Variants in CDH23 observed in about 807,000 individuals in gnomAD.
CDH23 encodes the protein cadherin related 23.
In CDH23, 189 loss-of-function variants were observed where a neutral mutation model predicts 317.1. The ratio of observed to expected loss-of-function variants is 0.60; its 90% CI spans 0.53 to 0.67. CDH23 has a LOEUF of 0.67. Among genes scored for constraint, CDH23 ranks in the 30% least tolerant of loss-of-function variants. CDH23 has a pLI of 0.00. For synonymous variants in CDH23, 1,839 were observed against 1,876.8 expected, an observed-to-expected ratio of 0.98 and a Z score of 0.52; for missense variants, 4,401 against 4,592.4, an observed-to-expected ratio of 0.96 and a Z score of 1.20.
chr10:71,742,000 T>C, intron 38 of CDH23, 79 bp downstream of exon 38: 1 of 1,170,112 alleles, frequency 8.5e-7, no homozygotes, highest in Non-Finnish European at 1.2e-6. Flanking sequence ...ACAAGATGGG[T>C]GAGAATGGAA....
intron 3 of CDH23, among the ~76,000 whole-genome samples, chr10:71,466,675 G>A (rs551739787): frequency 5.3e-5 from 8 of 152,306 alleles, no homozygotes; most frequent in South Asian, 2.1e-4. Flanking sequence ...ATGTGAGTGC[G>A]TCCTTGTCCA....
chr10:71,498,925 G>A (rs1250425259), intron 3 of CDH23, among the ~76,000 whole-genome samples: 1 of 152,304 alleles, frequency 6.6e-6, no homozygotes, highest in Non-Finnish European at 1.5e-5. Context: ...TGAAGGGAAG[G>A]AAATCAGGAT....
At chr10:71,557,454 A>G (rs1411343088) in intron 6 of CDH23, among the ~76,000 whole-genome samples, 2 of 152,144 alleles carry the variant, frequency 1.3e-5, no homozygotes, top group Non-Finnish European at 2.9e-5. Context: ...GGCATTGGAG[A>G]GGAAAAGAGG....
intron 28 of CDH23, chr10:71,719,647 G>C (rs907989358): frequency 6.5e-6 from 1 of 152,722 alleles, no homozygotes; most frequent in South Asian, 2.1e-4. Context: ...GACCCCAGCC[G>C]TCCGGAGCTC....
At chr10:71,495,650 C>A (rs1852917805) in intron 3 of CDH23, among the ~76,000 whole-genome samples, 1 of 150,948 alleles carries the variant, frequency 6.6e-6, no homozygotes, top group Non-Finnish European at 1.5e-5. Context: ...CTGGGCAACA[C>A]AACAAGACCT....
chr10:71,513,893 C>A (rs1854130417), intron 6 of CDH23, among the ~76,000 whole-genome samples: 1 of 152,092 alleles, frequency 6.6e-6, no homozygotes, highest in African/African-American at 2.4e-5. Context: ...TCCATCCATT[C>A]AATTCCTCTC....
intron 3 of CDH23, among the ~76,000 whole-genome samples, chr10:71,504,157 A>T (rs926471870): frequency 6.6e-6 from 1 of 151,936 alleles, no homozygotes; most frequent in African/African-American, 2.4e-5. Flanking sequence ...GACCTCCAGA[A>T]CTCTTTTTCT....
chr10:71,578,522 C>T (rs1858390383), intron 9 of CDH23, among the ~76,000 whole-genome samples: 2 of 152,152 alleles, frequency 1.3e-5, no homozygotes, highest in Non-Finnish European at 2.9e-5. Context: ...CCCCTTGCCG[C>T]CCAGCTGCCT....
At chr10:71,652,158 G>A (rs566423341) in intron 14 of CDH23, among the ~76,000 whole-genome samples, 15 of 152,186 alleles carry the variant, frequency 9.9e-5, no homozygotes, top group Admixed American at 5.9e-4. Context: ...TTGCTGAGCC[G>A]TGGGTAGAGC....
At chr10:71,703,787 C>T (rs1157942062) in intron 24 of CDH23, among the ~76,000 whole-genome samples, 1 of 152,186 alleles carries the variant, frequency 6.6e-6, no homozygotes, top group Admixed American at 6.5e-5. Flanking sequence ...GAACGGCAGT[C>T]GGTCCCCGAG....
At position 71,655,066 on chromosome 10, in the gene CDH23, C is replaced by T. The variant is rs534793930; in HGVS notation, c.1449+8449C>T. On this transcript the variant is annotated intron_variant, in intron 14 of 69. Coordinates refer to ENST00000224721, the MANE Select transcript of CDH23 (RefSeq NM_022124.6). The stretch of plus-strand genomic sequence containing the variant: ...TGAGCAGTCATGCATGAGCACAGTG[C>T]CATGATGCCACAATTTCCCTCACCT... Among the ~76,000 whole-genome samples, 7 of 152,238 alleles carry T rather than the reference C, an allele frequency of 4.6e-5. No homozygotes were observed. In the South Asian group the frequency reaches 6.2e-4, roughly 14 times the overall value.
chr10:71,406,221 G>A (rs1162805760), intron 1 of CDH23, among the ~76,000 whole-genome samples: 1 of 151,966 alleles, frequency 6.6e-6, no homozygotes, highest in Admixed American at 6.5e-5. Context: ...TTTTGCTTTT[G>A]GGAGTTTTCC....
intron 6 of CDH23, among the ~76,000 whole-genome samples, chr10:71,523,469 A>G (rs1854819267): frequency 6.6e-6 from 1 of 152,224 alleles, no homozygotes; most frequent in African/African-American, 2.4e-5. Context: ...GATGGAGGGA[A>G]ATGCAATAGC....
rs1018347785 is a variant in CDH23, at chr10:71,768,196, A to T, written c.4846-9484A>T. 3.4e-4 allele frequency among the ~76,000 whole-genome samples: 51 copies of T among 152,092 alleles called. 2 individuals are homozygous for T. ...TTGTTGTTGTTGTTGTTTGAGATGGAGTCTCGCTCTGTTGCCCAGGCTGGA... is the reference window on the plus strand; with the variant it reads ...TTGTTGTTGTTGTTGTTTGAGATGGTGTCTCGCTCTGTTGCCCAGGCTGGA... On this transcript the variant is annotated intron_variant, in intron 38 of 69. Transcript: ENST00000224721.
intron 9 of CDH23, among the ~76,000 whole-genome samples, chr10:71,602,655 C>G (rs913924350): frequency 1.3e-5 from 2 of 152,176 alleles, no homozygotes; most frequent in Admixed American, 1.3e-4. Flanking sequence ...TGCACCCCAC[C>G]CTGCCCCGCT....
chr10:71,515,922 G>A (rs1351449314), intron 6 of CDH23, among the ~76,000 whole-genome samples: 1 of 152,250 alleles, frequency 6.6e-6, no homozygotes, highest in African/African-American at 2.4e-5. Flanking sequence ...TGTGCACAGT[G>A]TATTGGAAAC....
At chr10:71,634,589 C>T (rs562339493) in intron 11 of CDH23, among the ~76,000 whole-genome samples, 4 of 152,346 alleles carry the variant, frequency 2.6e-5, no homozygotes, top group South Asian at 4.1e-4. Flanking sequence ...GAGTTTTCCA[C>T]GTGGGCCAGG....
chr10:71,793,240 G>T lies in CDH23; in HGVS notation c.6312G>T (p.Leu2104=), dbSNP rs1841310407. Residue 2104 remains leucine, a synonymous_variant, in exon 48 of 70, where the codon CTG becomes CTT. Transcript: ENST00000224721. ...AGGACAGTGGCCTCAATGGGGAGCT[G>T]GTCTACCGAATAGAAGCTGGGGCTC... ...TDEDSGLNGE[L]VYRIEAGAQD... 6.2e-7 allele frequency: 1 copy of T among 1,613,866 alleles called. No homozygotes were observed. Among genetic ancestry groups the T allele is most frequent in the Middle Eastern group, 1.6e-4 (1 of 6,062 alleles).
intron 6 of CDH23, among the ~76,000 whole-genome samples, chr10:71,535,931 A>AAGAC (rs1231736042): frequency 6.6e-6 from 1 of 152,278 alleles, no homozygotes; most frequent in Non-Finnish European, 1.5e-5. Flanking sequence ...ATATCAGGCC[A>AAGAC]AGACAGACAG....
Sources: allele counts gnomAD v4.1 joint callset (sites outside exome capture counted in the v4.1 genomes callset), GRCh38; gene constraint gnomAD v4.1.1; transcripts MANE v1.5; gene names NCBI Gene and HGNC (gene_info 2026-07-23, HGNC 2026-07-21).